The following SLAMF6 variants were observed in gnomAD, a reference collection of about 807,000 sequenced individuals.
SLAMF6 encodes the protein NK-T-B-antigen.
SLAMF6 carries 21 observed loss-of-function variants against 38.3 expected under a neutral mutation model. The ratio of observed to expected loss-of-function variants is 0.55; its 90% CI spans 0.39 to 0.79. The LOEUF (loss-of-function observed/expected upper bound fraction) is 0.79, where lower values mean the gene tolerates loss of function less well. SLAMF6 is among the 30% of genes least tolerant of loss of function. The pLI is 0.00. For synonymous variants in SLAMF6, 152 were observed against 146.3 expected, an observed-to-expected ratio of 1.04 and a Z score of -0.28; for missense variants, 341 against 385.3, an observed-to-expected ratio of 0.89 and a Z score of 0.96.
intron 1 of SLAMF6, among the ~76,000 whole-genome samples, chr1:160,506,057 G>C (rs538692700): frequency 2.0e-5 from 3 of 152,120 alleles, no homozygotes; most frequent in African/African-American, 7.2e-5. Context: ...CATAATAGGA[G>C]TCCAAGGAGG....
chr1:160,522,008 A>G (rs754059532), intron 1 of SLAMF6, among the ~76,000 whole-genome samples: 22 of 152,214 alleles, frequency 1.4e-4, no homozygotes, highest in Non-Finnish European at 2.8e-4. Flanking sequence ...CATGCAAACT[A>G]GAAGAGTGCC....
intron 1 of SLAMF6, among the ~76,000 whole-genome samples, chr1:160,514,655 C>A (rs1209365049): frequency 2.0e-5 from 3 of 152,184 alleles, no homozygotes; most frequent in African/African-American, 7.2e-5. Context: ...AACAAACAGT[C>A]TCTCAGACCA....
Position 160,490,190 on chromosome 1 carries a change from AT to A in SLAMF6, c.796+7del. The A allele has an allele frequency of 1.2e-6, 2 of 1,613,710 alleles. No individual in the cohort carries two copies. Among genetic ancestry groups the A allele is most frequent in the Non-Finnish European group, 1.7e-6 (2 of 1,179,722 alleles). Reference sequence around the variant, plus strand: ...TTATGATGGAGAGTTAAGAGTCTGAATGCTCACCGGGGCCCTGTGTTCGCTG... The same window carrying A: ...TTATGATGGAGAGTTAAGAGTCTGAAGCTCACCGGGGCCCTGTGTTCGCTG... On this transcript the variant is annotated splice_region_variant and intron_variant, in intron 5 of 7. Transcript: ENST00000368057.
rs1238033530 is a variant in SLAMF6, at chr1:160,501,009, A to G, written c.50-4616T>C. On this transcript the variant is annotated intron_variant, in intron 1 of 7. Coordinates refer to ENST00000368057, the MANE Select transcript of SLAMF6 (RefSeq NM_001184714.2). ...ACAAGAAGAAAGTCAAGGCTAAGGC[A>G]GAGTGGTAGCCTGTCTAGGCATTAA... 2.0e-5 allele frequency among the ~76,000 whole-genome samples: 3 copies of G among 152,236 alleles called. 1 individual carries two copies. Among genetic ancestry groups the G allele is most frequent in the Non-Finnish European group, 4.4e-5 (3 of 68,032 alleles).
At chr1:160,490,968 G>T in intron 3 of SLAMF6, 157 bp downstream of exon 3, 1 of 979,224 alleles carries the variant, frequency 1.0e-6, no homozygotes, top group Non-Finnish European at 1.5e-6. Context: ...AGTCCTCTGG[G>T]AGTACTGAGA....
At chr1:160,517,891 A>G (rs1422323341) in intron 1 of SLAMF6, among the ~76,000 whole-genome samples, 1 of 152,164 alleles carries the variant, frequency 6.6e-6, no homozygotes, top group Non-Finnish European at 1.5e-5. Context: ...TAAGAAAAAT[A>G]GATAATGCAT....
intron 1 of SLAMF6, among the ~76,000 whole-genome samples, chr1:160,499,806 C>G (rs1263869425): frequency 6.6e-6 from 1 of 152,148 alleles, no homozygotes; most frequent in Non-Finnish European, 1.5e-5. Context: ...TGCACTTCCT[C>G]TCTCTTTCAT....
At chr1:160,501,789 A>G (rs112194415) in intron 1 of SLAMF6, among the ~76,000 whole-genome samples, 3 of 149,704 alleles carry the variant, frequency 2.0e-5, no homozygotes, top group Non-Finnish European at 4.4e-5. Context: ...TCCTTCAAGG[A>G]TGAGCTAAAA....
chr1:160,487,375 A>C (rs566618688), intron 6 of SLAMF6, among the ~76,000 whole-genome samples, 200 bp from the exon 7 acceptor site: 1 of 152,320 alleles, frequency 6.6e-6, no homozygotes, highest in Admixed American at 6.5e-5. Flanking sequence ...CTGAGCCCCA[A>C]ACAGAACAGC....
chr1:160,509,945 C>A (rs1654390096), intron 1 of SLAMF6, among the ~76,000 whole-genome samples: 1 of 151,858 alleles, frequency 6.6e-6, no homozygotes, highest in East Asian at 1.9e-4. Context: ...ATAGAAATAA[C>A]AACTAAAAGG....
At chr1:160,519,382 A>G (rs1209130789) in intron 1 of SLAMF6, among the ~76,000 whole-genome samples, 1 of 152,228 alleles carries the variant, frequency 6.6e-6, no homozygotes, top group Non-Finnish European at 1.5e-5. Flanking sequence ...AAAATGGTAC[A>G]GCCATTGTGG....
At chr1:160,493,250 G>T (rs1394638062) in intron 2 of SLAMF6, among the ~76,000 whole-genome samples, 1 of 152,118 alleles carries the variant, frequency 6.6e-6, no homozygotes, top group South Asian at 2.1e-4. Flanking sequence ...AGGGGATCTT[G>T]CTATCTATGC....
chr1:160,502,383 G>T (rs1352684916), intron 1 of SLAMF6, among the ~76,000 whole-genome samples: 2 of 152,168 alleles, frequency 1.3e-5, no homozygotes, highest in East Asian at 1.9e-4. Context: ...CTGAGGTCTT[G>T]CCCATCCACT....
rs1439888846 is a variant in SLAMF6, at chr1:160,496,392, C to T, written c.51G>A (p.Gly17=). 1.2e-6 allele frequency: 2 copies of T among 1,611,970 alleles called. No individual in the cohort carries two copies. The highest frequency in any genetic ancestry group is 2.2e-5 in the East Asian group (1 of 44,836). Reference sequence around the variant, plus strand: ...TTAAGCTGCTTTGTGAAACTACATTCCCTGTAAACACAGAAGGAAAGGTTT... The same window carrying T: ...TTAAGCTGCTTTGTGAAACTACATTTCCTGTAAACACAGAAGGAAAGGTTT... ...SLLFVFCFGP[G]NVVSQSSLTP... The change falls in exon 2 of 8, where the codon GGG becomes GGA. Residue 17 remains glycine, a splice_region_variant and synonymous_variant. Coordinates refer to ENST00000368057, the MANE Select transcript of SLAMF6 (RefSeq NM_001184714.2).
Position 160,508,992 on chromosome 1 carries a change from AG to A in SLAMF6, c.50-12600del, listed in dbSNP as rs1267125675. ...CCAGTTAGAATGGCTATCATTAAAA[AG>A]TCAGGAAACAACAGATGCTGGAGAG... is the stretch of plus-strand genomic sequence containing the variant. On this transcript the variant is annotated intron_variant, in intron 1 of 7. Transcript: ENST00000368057. 5.3e-5 allele frequency among the ~76,000 whole-genome samples: 8 copies of A among 152,250 alleles called. No homozygotes were observed. In the South Asian group the frequency reaches 1.4e-3, roughly 28 times the overall value.
chr1:160,494,315 G>T (rs1653453134), intron 2 of SLAMF6, among the ~76,000 whole-genome samples: 2 of 152,082 alleles, frequency 1.3e-5, no homozygotes, highest in South Asian at 4.2e-4. Context: ...GTCATACCTG[G>T]TCTTCTCAAC....
Position 160,496,100 on chromosome 1 carries a change from T to C in SLAMF6, c.343A>G (p.Thr115Ala). ...GSYRAQISTK[T>A]SAKLSSYTLR... ...GTGTAACTGGACAGCTTTGCAGAGG[T>C]CTTTGTGGATATCTGGGCTCTGTAA... The change falls in exon 2 of 8, where the codon ACC becomes GCC. Residue 115 changes from threonine (T) to alanine (A), a missense_variant. Transcript: ENST00000368057. 6.2e-7 allele frequency: 1 copy of C among 1,613,878 alleles called. No homozygotes were observed. Among genetic ancestry groups the C allele is most frequent in the Non-Finnish European group, 8.5e-7 (1 of 1,179,866 alleles).
At chr1:160,509,207 ATGTT>A (rs1654343903) in intron 1 of SLAMF6, among the ~76,000 whole-genome samples, 1 of 152,258 alleles carries the variant, frequency 6.6e-6, no homozygotes, top group Non-Finnish European at 1.5e-5. Context: ...ATGCACACGT[ATGTT>A]TGTTGTGGCA....
intron 2 of SLAMF6, among the ~76,000 whole-genome samples, chr1:160,495,228 G>A (rs753526485): frequency 1.1e-4 from 17 of 152,250 alleles, no homozygotes; most frequent in East Asian, 5.8e-4. Flanking sequence ...CAGAATTTCC[G>A]TGGCCTTTAA....
Sources: allele counts gnomAD v4.1 joint callset (sites outside exome capture counted in the v4.1 genomes callset), GRCh38; gene constraint gnomAD v4.1.1; transcripts MANE v1.5; gene names NCBI Gene and HGNC (gene_info 2026-07-23, HGNC 2026-07-21).